The following PKHD1L1 variants were observed in gnomAD, a reference collection of about 807,000 sequenced individuals.
PKHD1L1 encodes the protein PKHD1 like 1.
A neutral mutation model predicts 462.9 loss-of-function variants in PKHD1L1; 434 were observed. The observed-to-expected ratio is 0.94, with a 90% confidence interval of 0.87 to 1.02. The LOEUF is 1.02. PKHD1L1 is among the 50% of genes least tolerant of loss of function. The pLI, the probability that PKHD1L1 is intolerant of heterozygous loss-of-function variation, is 0.00. For synonymous variants in PKHD1L1, 1,781 were observed against 1,750.0 expected (o/e 1.02, Z -0.44); for missense variants, 5,202 against 5,096.1 (o/e 1.02, Z -0.63).
intron 51 of PKHD1L1, 64 bp from the exon 52 acceptor site, chr8:109,476,444 A>C (rs1466758431): frequency 8.9e-7 from 1 of 1,120,220 alleles, no homozygotes; most frequent in Non-Finnish European, 1.2e-6. Context: ...ATATGTCATT[A>C]AAATTAATGT....
At chr8:109,451,487 T>C (rs1816496706) in intron 41 of PKHD1L1, among the ~76,000 whole-genome samples, 1 of 152,166 alleles carries the variant, frequency 6.6e-6, no homozygotes, top group South Asian at 2.1e-4. Context: ...TGTTATGCTT[T>C]CTCCATCATC....
chr8:109,404,098 T>C (rs1195781835), intron 14 of PKHD1L1, among the ~76,000 whole-genome samples: 1 of 152,154 alleles, frequency 6.6e-6, no homozygotes. Flanking sequence ...TGGAGCCAAA[T>C]TTAAGGAATG....
intron 19 of PKHD1L1, 135 bp from the exon 20 acceptor site, chr8:109,412,130 A>G: frequency 1.3e-6 from 1 of 794,140 alleles, no homozygotes; most frequent in African/African-American, 1.7e-5. Flanking sequence ...CAGACAAGGA[A>G]GAAAACATCT....
At chr8:109,472,989 C>A (rs954579233) in intron 50 of PKHD1L1, among the ~76,000 whole-genome samples, 2 of 151,874 alleles carry the variant, frequency 1.3e-5, no homozygotes, top group South Asian at 2.1e-4. Context: ...TAAAGTTATA[C>A]CAGATGGCAA....
At chr8:109,442,801 A>G (rs957051061) in intron 35 of PKHD1L1, 145 bp from the exon 36 acceptor site, 1 of 723,316 alleles carries the variant, frequency 1.4e-6, no homozygotes, top group East Asian at 2.7e-5. Flanking sequence ...TTCTTACTAC[A>G]TTCTGTTGAC....
intron 2 of PKHD1L1, among the ~76,000 whole-genome samples, chr8:109,367,592 C>A (rs928663708): frequency 6.6e-6 from 1 of 152,166 alleles, no homozygotes; most frequent in African/African-American, 2.4e-5. Flanking sequence ...GTTTAAAAGG[C>A]TGTGGTTGGG....
rs532360648 is a variant in PKHD1L1 at position 109,400,190 on chromosome 8, C to T, written c.1127C>T (p.Ser376Leu). 6.2e-7 allele frequency: 1 copy of T among 1,613,524 alleles called. No individual in the cohort carries two copies. Among genetic ancestry groups the T allele is most frequent in the South Asian group, 1.1e-5 (1 of 91,076 alleles). The change falls in exon 13 of 78, where the codon TCA (serine) becomes TTA (leucine). Residue 376 changes from serine to leucine, a missense_variant. Ser to Leu is a moderately radical substitution (Grantham distance 145). This residue lies in a region of PKHD1L1 where 4,497 missense variants were observed against 4,336.8 expected (regional missense o/e 1.04). Transcript: ENST00000378402. The stretch of plus-strand genomic sequence containing the variant: ...TACATGGGTGCCAGTTGGGTAGATT[C>T]AGCTTCCTATATTTGGCTCATGGAA... The part of the protein sequence containing the change: ...PGYMGASWVD[S>L]ASYIWLMEQD...
chr8:109,389,084 G>T lies in PKHD1L1; in HGVS notation c.629G>T (p.Gly210Val). Residue 210 changes from glycine to valine, a missense_variant, in exon 8 of 78, where the codon GGT becomes GTT. Physicochemically the swap from Gly to Val is moderately radical, Grantham distance 109. Coordinates refer to ENST00000378402, the MANE Select transcript of PKHD1L1 (RefSeq NM_177531.6). ...ATTAACTTTTTTTTAATTAGATATG[G>T]TCTAAAACTGGATCATCCAAATGGA... is the stretch of plus-strand genomic sequence containing the variant. ...LLIPQSDNLY[G>V]LKLDHPNGDM... The T allele has an allele frequency of 6.2e-7, 1 of 1,601,902 alleles. No individual in the cohort carries two copies. Among genetic ancestry groups the T allele is most frequent in the Non-Finnish European group, 8.5e-7 (1 of 1,170,958 alleles).
intron 55 of PKHD1L1, chr8:109,480,693 AT>A (rs939700198): frequency 4.6e-6 from 2 of 436,460 alleles, no homozygotes; most frequent in Non-Finnish European, 9.1e-6. Context: ...ATGAAAAAGA[AT>A]TGCTTAGCCA....
rs1248394937 is a variant in PKHD1L1 at position 109,454,265 on chromosome 8, TAC to T, written c.6744+21_6744+22del. On this transcript the variant is annotated intron_variant, in intron 44 of 77. Coordinates refer to ENST00000378402, the MANE Select transcript of PKHD1L1 (RefSeq NM_177531.6). ...TCTTCAGGTATTCAAAAGAACATAATACATATTCATTTCCAACCTGTCTCCAT... is the reference window on the plus strand; with the variant it reads ...TCTTCAGGTATTCAAAAGAACATAATATATTCATTTCCAACCTGTCTCCAT... 5 of 1,531,364 alleles carry T rather than the reference TAC, an allele frequency of 3.3e-6. No homozygotes were observed. The highest frequency in any genetic ancestry group is 4.5e-6 in the Non-Finnish European group (5 of 1,122,498). 94.9% of individuals were successfully genotyped at this position (1,531,364 alleles called of 1,614,324 possible).
At chr8:109,408,406 C>A (rs1344955929) in intron 18 of PKHD1L1, among the ~76,000 whole-genome samples, 200 bp downstream of exon 18, 1 of 152,086 alleles carries the variant, frequency 6.6e-6, no homozygotes, top group Non-Finnish European at 1.5e-5. Flanking sequence ...CTAGTGCAGC[C>A]ACCTCTTTTT....
Position 109,398,483 on chromosome 8 carries a change from T to C in PKHD1L1, c.947T>C (p.Val316Ala). Residue 316 changes from valine (V) to alanine (A), a missense_variant, in exon 12 of 78, where the codon GTC becomes GCC. Val to Ala is a moderately conservative substitution (Grantham distance 64). Around this residue, in one of 3 missense-constraint regions of PKHD1L1, gnomAD observed 4,497 missense variants for 4,336.8 expected, o/e 1.04. Transcript: ENST00000378402. ...GGTGAACCTTGTGATATTTTGAATG[T>C]CACAGAAAATAGTATATGTTGCAAG... ...VGGEPCDILN[V>A]TENSICCKTP... 1 of 1,564,716 alleles carries C rather than the reference T, an allele frequency of 6.4e-7. No homozygotes were observed. Among genetic ancestry groups the C allele is most frequent in the African/African-American group, 1.3e-5 (1 of 74,162 alleles).
intron 65 of PKHD1L1, 52 bp downstream of exon 65, chr8:109,497,324 G>C (rs1295151001): frequency 1.3e-6 from 2 of 1,571,480 alleles, no homozygotes; most frequent in African/African-American, 2.7e-5. Flanking sequence ...TTGGAGAAGG[G>C]TGGAATTTCT....
chr8:109,374,853 T>G (rs1174903324), intron 2 of PKHD1L1, among the ~76,000 whole-genome samples: 2 of 152,204 alleles, frequency 1.3e-5, no homozygotes, highest in African/African-American at 4.8e-5. Flanking sequence ...GCTTGTAGAG[T>G]TTCTGCCGAG....
intron 50 of PKHD1L1, among the ~76,000 whole-genome samples, chr8:109,468,865 G>A (rs1817579652): frequency 6.6e-6 from 1 of 152,194 alleles, no homozygotes; most frequent in African/African-American, 2.4e-5. Flanking sequence ...TTTGGTCTGT[G>A]AATTGGCTTG....
intron 73 of PKHD1L1, among the ~76,000 whole-genome samples, chr8:109,519,566 T>C (rs1489515497): frequency 2.0e-5 from 3 of 152,000 alleles, no homozygotes; most frequent in African/African-American, 7.2e-5. Context: ...TTGTCTTCAG[T>C]GGTCAAGCAC....
At chr8:109,489,583 A>G (rs984766727) in intron 59 of PKHD1L1, among the ~76,000 whole-genome samples, 3 of 151,980 alleles carry the variant, frequency 2.0e-5, no homozygotes, top group African/African-American at 7.2e-5. Flanking sequence ...GCCTTATGCC[A>G]TACATTCTCA....
At chr8:109,497,430 C>CTTTTTTTT (rs11475834) in intron 65 of PKHD1L1, among the ~76,000 whole-genome samples, 158 bp downstream of exon 65, 2 of 113,522 alleles carry the variant, frequency 1.8e-5, no homozygotes, top group Non-Finnish European at 3.6e-5. Flanking sequence ...AAAAACCGTT[C>CTTTTTTTT]TTTTTTTTTT....
intron 55 of PKHD1L1, among the ~76,000 whole-genome samples, 168 bp downstream of exon 55, chr8:109,480,307 T>C (rs1818212267): frequency 6.6e-6 from 1 of 152,090 alleles, no homozygotes; most frequent in African/African-American, 2.4e-5. Flanking sequence ...TCTGTTCTCC[T>C]TTAAATTATG....
Sources: allele counts gnomAD v4.1 joint callset (sites outside exome capture counted in the v4.1 genomes callset), GRCh38; gene constraint gnomAD v4.1.1; regional missense constraint gnomAD v4.1.1; transcripts MANE v1.5; gene names NCBI Gene and HGNC (gene_info 2026-07-23, HGNC 2026-07-21).